NCOR2: variants seen among roughly 807,000 people sequenced by gnomAD.
NCOR2 encodes the protein nuclear receptor corepressor 2.
In NCOR2, 81 loss-of-function variants were observed where a neutral mutation model predicts 262.9. That is an observed-to-expected ratio of 0.31 (90% CI 0.26 to 0.37). The LOEUF is 0.37. NCOR2 is among the 10% of genes least tolerant of loss of function. NCOR2 has a pLI of 1.00. For synonymous variants in NCOR2, 1,659 were observed against 1,559.3 expected, an observed-to-expected ratio of 1.06 and a Z score of -1.51; for missense variants, 3,385 against 3,621.4, an observed-to-expected ratio of 0.93 and a Z score of 1.68.
rs2036767038 is a variant in NCOR2 at position 124,344,594 on chromosome 12, C to T, written c.4714+3G>A. 1 of 1,448,770 alleles carries T rather than the reference C, an allele frequency of 6.9e-7. No individual in the cohort carries two copies. Among genetic ancestry groups the T allele is most frequent in the African/African-American group, 1.4e-5 (1 of 69,936 alleles). 89.7% of individuals were successfully genotyped at this position (1,448,770 alleles called of 1,614,324 possible). On this transcript the variant is annotated splice_donor_region_variant and intron_variant, in intron 32 of 46. Coordinates refer to ENST00000405201, the Ensembl canonical transcript of NCOR2. The stretch of plus-strand genomic sequence containing the variant: ...CACTCACGCCCATGCACACCCCACT[C>T]ACCCTCCTGCAGGCGCGGCGTGGGC...
intron 16 of NCOR2, among the ~76,000 whole-genome samples, chr12:124,388,228 G>A (rs1025357539): frequency 5.9e-5 from 9 of 152,328 alleles, no homozygotes; most frequent in East Asian, 3.9e-4. Flanking sequence ...CTTAACTGCC[G>A]TGTGAGGAGC....
Position 124,531,994 on chromosome 12 carries a change from G to A in NCOR2, c.-118+3571C>T, listed in dbSNP as rs1376332044. ...CCCTTCTAAGGTCCTAGGTCCGCAGGGAAGAGTGTACCGCTGGGAGCCTGG... is the reference window on the plus strand; with the variant it reads ...CCCTTCTAAGGTCCTAGGTCCGCAGAGAAGAGTGTACCGCTGGGAGCCTGG... On this transcript the variant is annotated intron_variant, in intron 1 of 46. Coordinates refer to the NCOR2 transcript ENST00000404621. The surrounding 1 kb of genome is among the most constrained non-coding windows in gnomAD (Gnocchi z 4.5). Among the ~76,000 whole-genome samples the A allele has an allele frequency of 6.6e-6, 1 of 152,212 alleles. No individual in the cohort carries two copies. Among genetic ancestry groups the A allele is most frequent in the Non-Finnish European group, 1.5e-5 (1 of 67,996 alleles).
At chr12:124,439,623 C>T (rs556182017) in intron 7 of NCOR2, among the ~76,000 whole-genome samples, 7,116 of 151,918 alleles carry the variant, frequency 0.047, 281 homozygotes, top group Non-Finnish European at 0.066. Flanking sequence ...AGGGGAGACA[C>T]AGAGACGGAG....
intron 4 of NCOR2, among the ~76,000 whole-genome samples, chr12:124,466,876 C>T (rs550837265): frequency 2.6e-4 from 40 of 152,064 alleles, no homozygotes; most frequent in African/African-American, 9.2e-4. Context: ...TCTAGAGAGC[C>T]GTTGTGAAGG....
At chr12:124,395,557 C>A (rs2041599073) in intron 16 of NCOR2, among the ~76,000 whole-genome samples, 1 of 152,212 alleles carries the variant, frequency 6.6e-6, no homozygotes, top group South Asian at 2.1e-4. Context: ...CACTGAGGAC[C>A]CAACCTTGAG....
At chr12:124,501,485 CTGGGGG>C (rs2048732301) in intron 1 of NCOR2, among the ~76,000 whole-genome samples, 1 of 144,976 alleles carries the variant, frequency 6.9e-6, no homozygotes, top group African/African-American at 2.7e-5. Flanking sequence ...CCCACGGCCT[CTGGGGG>C]CTCTGGGGGA....
upstream of NCOR2, among the ~76,000 whole-genome samples, chr12:124,499,787 T>C (rs904445238): frequency 6.6e-6 from 1 of 152,010 alleles, no homozygotes; most frequent in African/African-American, 2.4e-5. Flanking sequence ...AGAAGGTGGT[T>C]GCGGGGGAGA....
At chr12:124,479,589 A>G (rs2136762323) in intron 3 of NCOR2, among the ~76,000 whole-genome samples, 1 of 152,348 alleles carries the variant, frequency 6.6e-6, no homozygotes, top group East Asian at 1.9e-4. Context: ...GCGCATGCAC[A>G]CACACACCCT....
chr12:124,542,210 C>T (rs569156076), intron 1 of NCOR2, among the ~76,000 whole-genome samples: 3 of 152,014 alleles, frequency 2.0e-5, no homozygotes, highest in Non-Finnish European at 4.4e-5. Flanking sequence ...ACCAGACCTG[C>T]AGCAGCCACA....
intron 7 of NCOR2, among the ~76,000 whole-genome samples, chr12:124,439,652 T>C (rs1411386140): frequency 1.4e-5 from 2 of 147,340 alleles, no homozygotes; most frequent in African/African-American, 5.1e-5. Context: ...ACAGATGAGA[T>C]CCAAGAAAGG....
chr12:124,355,775 C>T (rs1163349019), intron 23 of NCOR2, among the ~76,000 whole-genome samples: 1 of 152,204 alleles, frequency 6.6e-6, no homozygotes, highest in Non-Finnish European at 1.5e-5. Flanking sequence ...GGAAGCCTCC[C>T]ACCTCACCCA....
rs1291302743 is a variant in NCOR2, at chr12:124,504,763, G to C, written c.-117-9395C>G. ...TGAGCCCTGAAGACATGGCACAAAAGGCAAAGAAGCCGCTCAGAAAGGCCA... is the reference window on the plus strand; with the variant it reads ...TGAGCCCTGAAGACATGGCACAAAACGCAAAGAAGCCGCTCAGAAAGGCCA... On this transcript the variant is annotated intron_variant, in intron 1 of 46. Transcript: ENST00000404621. The surrounding 1 kb of genome is among the most constrained non-coding windows in gnomAD (Gnocchi z 4.5). Among the ~76,000 whole-genome samples the C allele has an allele frequency of 6.6e-6, 1 of 152,212 alleles. No individual in the cohort carries two copies. The highest frequency in any genetic ancestry group is 2.4e-5 in the African/African-American group (1 of 41,450).
chr12:124,420,715 C>T lies in NCOR2; in HGVS notation c.1384-660G>A, dbSNP rs1593459480. ...AAAGGGGCAGCCTCAGAAAGTGATG[C>T]CACGATGCCCCCACTTGCGGGCATG... is the stretch of plus-strand genomic sequence containing the variant. On this transcript the variant is annotated intron_variant, in intron 12 of 46. Coordinates refer to ENST00000405201, the Ensembl canonical transcript of NCOR2. Among the ~76,000 whole-genome samples the T allele has an allele frequency of 2.6e-5, 4 of 152,234 alleles. 1 individual carries two copies. The East Asian group carries it at 7.7e-4, about 29-fold the overall frequency.
At chr12:124,510,528 G>A (rs1566011998) in intron 1 of NCOR2, among the ~76,000 whole-genome samples, 1 of 152,216 alleles carries the variant, frequency 6.6e-6, no homozygotes, top group Non-Finnish European at 1.5e-5. Context: ...GAGAGGCCGA[G>A]CAACTTGCCC....
At chr12:124,334,994 C>A in intron 40 of NCOR2, 141 bp downstream of exon 42, 1 of 1,302,894 alleles carries the variant, frequency 7.7e-7, no homozygotes, top group Non-Finnish European at 1.1e-6. Flanking sequence ...TCACCCACGC[C>A]CTGGATCCCC....
chr12:124,501,984 C>T (rs945215280), intron 1 of NCOR2, among the ~76,000 whole-genome samples: 2 of 152,222 alleles, frequency 1.3e-5, no homozygotes, highest in African/African-American at 4.8e-5. Context: ...CTGCGGAGCG[C>T]CAGCTCCACG....
At chr12:124,421,536 G>A (rs953650651) in intron 12 of NCOR2, among the ~76,000 whole-genome samples, 5 of 152,152 alleles carry the variant, frequency 3.3e-5, no homozygotes, top group South Asian at 2.1e-4. Context: ...CTCCTTCTAC[G>A]GTTATCAGCT....
At position 124,453,361 on chromosome 12, in the gene NCOR2, T is replaced by C. The variant is rs1345056019; in HGVS notation, c.763-3494A>G. Reference sequence around the variant, plus strand: ...GCCAGTGAGGGAATCGAGGCCTAGATGCGTGTGGAGCCTGGGGTGGTAGGG... The same window carrying C: ...GCCAGTGAGGGAATCGAGGCCTAGACGCGTGTGGAGCCTGGGGTGGTAGGG... On this transcript the variant is annotated intron_variant, in intron 6 of 46. Coordinates refer to ENST00000405201, the Ensembl canonical transcript of NCOR2. 2.0e-5 allele frequency among the ~76,000 whole-genome samples: 3 copies of C among 152,136 alleles called. No homozygotes were observed. The East Asian group carries it at 5.8e-4, about 29-fold the overall frequency.
intron 7 of NCOR2, among the ~76,000 whole-genome samples, chr12:124,447,953 G>C (rs559006322): frequency 6.6e-6 from 1 of 152,122 alleles, no homozygotes; most frequent in African/African-American, 2.4e-5. Context: ...CAAAGTGCTC[G>C]GATTATAGGC....
Sources: gnomAD v4.1 joint callset for allele counts (sites outside exome capture counted in the v4.1 genomes callset) on GRCh38, gnomAD v4.1.1 for gene constraint, Gnocchi (gnomAD v3.1) non-coding constraint, MANE v1.5 for transcripts, NCBI Gene and HGNC (gene_info 2026-07-23, HGNC 2026-07-21) for gene names.